NSD1: variants seen among roughly 807,000 people sequenced by gnomAD.
NSD1 encodes the protein nuclear receptor binding SET domain protein 1.
A neutral mutation model predicts 242.7 loss-of-function variants in NSD1; 26 were observed. The observed-to-expected ratio is 0.11, with a 90% CI of 0.08 to 0.15. The LOEUF is 0.15. NSD1 is among the 10% of genes least tolerant of loss of function. The pLI, the probability that NSD1 is intolerant of heterozygous loss-of-function variation, is 1.00. For missense variants in NSD1, 2,495 were observed against 3,272.8 expected, an observed-to-expected ratio of 0.76 and a Z score of 5.80; for synonymous variants, 1,106 against 1,178.1, an observed-to-expected ratio of 0.94 and a Z score of 1.25.
At chr5:177,225,539 CCTTT>C (rs1056411889) in intron 5 of NSD1, among the ~76,000 whole-genome samples, 1 of 151,844 alleles carries the variant, frequency 6.6e-6, no homozygotes, top group Non-Finnish European at 1.5e-5. Flanking sequence ...CCAATTGTGG[CCTTT>C]CTTATTTATT....
At chr5:177,265,327 C>T (rs1369012393) in intron 14 of NSD1, 6 of 618,646 alleles carry the variant, frequency 9.7e-6, no homozygotes, top group Non-Finnish European at 1.4e-5. Context: ...TATAAAGTGC[C>T]AACAGAAGTA....
intron 5 of NSD1, among the ~76,000 whole-genome samples, chr5:177,219,919 G>T (rs563834716): frequency 6.6e-6 from 1 of 152,128 alleles, no homozygotes; most frequent in East Asian, 1.9e-4. Context: ...CTGAGATCAC[G>T]CCACTGCACT....
intron 2 of NSD1, among the ~76,000 whole-genome samples, chr5:177,139,206 G>A (rs541881830): frequency 2.9e-4 from 44 of 151,166 alleles, no homozygotes; most frequent in African/African-American, 4.9e-4. Flanking sequence ...AGCTGAGATC[G>A]CCCCATTGCA....
intron 8 of NSD1, among the ~76,000 whole-genome samples, chr5:177,240,899 G>T (rs1765804852): frequency 6.6e-6 from 1 of 151,958 alleles, no homozygotes; most frequent in Admixed American, 6.6e-5. Context: ...TGCATGTCTG[G>T]TCCCAGCTAC....
intron 3 of NSD1, among the ~76,000 whole-genome samples, chr5:177,198,846 A>G (rs948426012): frequency 1.3e-5 from 2 of 152,192 alleles, no homozygotes; most frequent in Non-Finnish European, 2.9e-5. Flanking sequence ...CAAGATGTCA[A>G]TTTGAAAATA....
At position 177,297,609 on chromosome 5, in the gene NSD1, T is replaced by G; in HGVS notation, c.*2150T>G. ...CTGTCAGAGTCTCCTTTCACTATGT[T>G]GTGTGTTAAATTACCGTAGCTCTTT... is the stretch of plus-strand genomic sequence containing the variant. On this transcript the variant is annotated 3_prime_UTR_variant, in exon 23 of 23. Coordinates refer to ENST00000439151, the MANE Select transcript of NSD1 (RefSeq NM_022455.5). The G allele has an allele frequency of 5.1e-6, 1 of 196,756 alleles. No individual in the cohort carries two copies. The allele number at this position is 196,756 out of a possible 1,614,324, so 12.2% of individuals were successfully genotyped here.
At chr5:177,273,864 C>T (rs1250037038) in intron 17 of NSD1, 80 bp downstream of exon 17, 31 of 949,598 alleles carry the variant, frequency 3.3e-5, no homozygotes, top group Non-Finnish European at 4.9e-5. Flanking sequence ...ATGACAAGAA[C>T]GGAAGCACAA....
chr5:177,176,992 A>G (rs1166721048), intron 2 of NSD1, among the ~76,000 whole-genome samples: 1 of 152,212 alleles, frequency 6.6e-6, no homozygotes, highest in Non-Finnish European at 1.5e-5. Flanking sequence ...ATTCTGTTAC[A>G]TTATGTGTGA....
chr5:177,273,816 G>A, intron 17 of NSD1, 32 bp downstream of exon 17: 1 of 1,406,532 alleles, frequency 7.1e-7, no homozygotes, highest in Non-Finnish European at 1.0e-6. Context: ...ACCTTCTCTA[G>A]AAGAGAAATG....
rs1395663172 is a variant in NSD1, at chr5:177,211,098, C to T, written c.2699C>T (p.Pro900Leu). 6.2e-7 allele frequency: 1 copy of T among 1,614,030 alleles called. No individual in the cohort carries two copies. Among genetic ancestry groups the T allele is most frequent in the Admixed American group, 1.7e-5 (1 of 59,998 alleles). ...FSSASSQNHI[P>L]IEPDYKFSTL... ...TCTGCTTCTAGTCAGAATCACATAC[C>T]TATTGAACCAGACTACAAATTCAGT... Residue 900 changes from proline to leucine, a missense_variant, in exon 5 of 23, where the codon CCT becomes CTT. Around this residue, in one of 19 missense-constraint regions of NSD1, gnomAD observed 121 missense variants for 167.2 expected, o/e 0.72. Coordinates refer to ENST00000439151, the MANE Select transcript of NSD1 (RefSeq NM_022455.5).
At chr5:177,158,988 A>T (rs936678918) in intron 2 of NSD1, among the ~76,000 whole-genome samples, 1 of 119,408 alleles carries the variant, frequency 8.4e-6, no homozygotes, top group South Asian at 2.7e-4. Context: ...ACACATATAT[A>T]TGAATGATTT....
At chr5:177,212,791 C>G (rs571309574) in intron 5 of NSD1, among the ~76,000 whole-genome samples, 1 of 151,758 alleles carries the variant, frequency 6.6e-6, no homozygotes, top group African/African-American at 2.4e-5. Flanking sequence ...TTAAGGCACC[C>G]GCCACCATAC....
chr5:177,220,959 G>C (rs917122416), intron 5 of NSD1: 1 of 449,400 alleles, frequency 2.2e-6, no homozygotes, highest in Non-Finnish European at 4.5e-6. Context: ...CCACCTCTGG[G>C]TTCAAGCGAT....
chr5:177,291,609 C>T (rs956050157), intron 21 of NSD1, among the ~76,000 whole-genome samples: 12 of 152,196 alleles, frequency 7.9e-5, no homozygotes, highest in Admixed American at 3.3e-4. Flanking sequence ...GCCGAGATCG[C>T]GCCACTGCAC....
In NSD1 at chr5:177,185,957, AT is replaced by A. The variant is rs1466211956; in HGVS notation, c.928-5924del. ...ATAAATATATATAATATAGTTATAT[AT>A]TTATATATAACTATATTATATATTA... On this transcript the variant is annotated intron_variant, in intron 2 of 22. Transcript: ENST00000439151. Among the ~76,000 whole-genome samples the A allele has an allele frequency of 1.7e-3, 152 of 91,078 alleles. 1 individual carries two copies. The highest frequency in any genetic ancestry group is 6.7e-3 in the African/African-American group (147 of 21,994). 59.8% of individuals were successfully genotyped at this position (91,078 alleles called of 152,430 possible). A position where few individuals can be genotyped will look rare whatever the true frequency, so the allele number is the denominator to read the frequency against.
intron 2 of NSD1, among the ~76,000 whole-genome samples, chr5:177,190,924 C>T (rs1761625664): frequency 6.6e-6 from 1 of 151,796 alleles, no homozygotes; most frequent in Admixed American, 6.6e-5. Context: ...GCCTCGGCCT[C>T]CCAAAGTGCT....
Position 177,210,928 on chromosome 5 carries a change from T to C in NSD1, c.2529T>C (p.His843=). Residue 843 remains histidine (H), a synonymous_variant, in exon 5 of 23, where the codon CAT becomes CAC. Coordinates refer to ENST00000439151, the MANE Select transcript of NSD1 (RefSeq NM_022455.5). ...VDGLKLLNNM[H]EKTRDSSDIE... ...GTCTAAAACTACTGAACAATATGCA[T>C]GAGAAAACCAGGGATTCAAGTGACA... 1.2e-6 allele frequency: 2 copies of C among 1,613,442 alleles called. No homozygotes were observed. Among genetic ancestry groups the C allele is most frequent in the Non-Finnish European group, 1.7e-6 (2 of 1,179,426 alleles).
At chr5:177,158,259 TTC>T (rs1368848222) in intron 2 of NSD1, among the ~76,000 whole-genome samples, 2 of 93,494 alleles carry the variant, frequency 2.1e-5, no homozygotes, top group African/African-American at 1.2e-4. Flanking sequence ...CTTTCTTTCT[TTC>T]TTTCTTTCTT....
At chr5:177,136,881 C>A (rs1160198293) in intron 2 of NSD1, 1 of 699,382 alleles carries the variant, frequency 1.4e-6, no homozygotes, top group African/African-American at 1.7e-5. Context: ...AGAGACTGGC[C>A]TTGTCATGTT....
Sources: gnomAD v4.1 joint callset for allele counts (sites outside exome capture counted in the v4.1 genomes callset) on GRCh38, gnomAD v4.1.1 for gene constraint, gnomAD v4.1.1 regional missense constraint, MANE v1.5 for transcripts, NCBI Gene and HGNC (gene_info 2026-07-23, HGNC 2026-07-21) for gene names.